ABI1: variants seen among roughly 807,000 people sequenced by gnomAD.
The protein encoded by ABI1 is abl interactor 1.
A neutral mutation model predicts 54.6 loss-of-function variants in ABI1; 14 were observed. The ratio of observed to expected loss-of-function variants is 0.26; its 90% CI spans 0.17 to 0.40. The LOEUF is 0.40. Ranked by LOEUF, ABI1 falls within the 10% of genes least tolerant of loss-of-function variation. The probability of loss-of-function intolerance (pLI) is 1.00; values close to 1 mark genes in which losing one functional copy is unlikely to be tolerated. For missense variants in ABI1, 443 were observed against 598.3 expected (o/e 0.74, Z 2.71); for synonymous variants, 194 against 209.3 (o/e 0.93, Z 0.63).
intron 1 of ABI1, among the ~76,000 whole-genome samples, chr10:26,857,094 C>T (rs1448604317): frequency 6.6e-6 from 1 of 151,948 alleles, no homozygotes; most frequent in Admixed American, 6.6e-5. Flanking sequence ...CCGAGGAGGG[C>T]AGATCACCTA....
chr10:26,785,237 C>A (rs1475422143), intron 2 of ABI1, among the ~76,000 whole-genome samples: 1 of 152,182 alleles, frequency 6.6e-6, no homozygotes. Context: ...AGGGTGAATA[C>A]TGTTGGAAGG....
intron 1 of ABI1, among the ~76,000 whole-genome samples, chr10:26,839,108 T>C (rs2049302572): frequency 6.6e-6 from 1 of 152,152 alleles, no homozygotes. Context: ...ACACATAGGG[T>C]TCTATAAATG....
At chr10:26,812,829 C>A (rs529681023) in intron 2 of ABI1, among the ~76,000 whole-genome samples, 1 of 152,238 alleles carries the variant, frequency 6.6e-6, no homozygotes, top group African/African-American at 2.4e-5. Context: ...CTTCAAAGAC[C>A]CCATCTCCAA....
chr10:26,765,444 G>T, intron 6 of ABI1, 126 bp from the exon 7 acceptor site: 1 of 730,646 alleles, frequency 1.4e-6, no homozygotes. Flanking sequence ...ATCCTTGGAG[G>T]ACTGGTTTCA....
chr10:26,796,597 T>C (rs1030206729), intron 2 of ABI1, among the ~76,000 whole-genome samples: 1 of 152,200 alleles, frequency 6.6e-6, no homozygotes, highest in Non-Finnish European at 1.5e-5. Context: ...TCAGAACATT[T>C]CCTTGTCATT....
At chr10:26,750,815 C>T (rs1265828146) in intron 10 of ABI1, among the ~76,000 whole-genome samples, 1 of 152,152 alleles carries the variant, frequency 6.6e-6, no homozygotes, top group African/African-American at 2.4e-5. Flanking sequence ...TCTTCCCCAC[C>T]TATATTTCTT....
chr10:26,756,160 T>A (rs3802614), intron 8 of ABI1, among the ~76,000 whole-genome samples: 27,006 of 152,074 alleles, frequency 0.18, 2,534 homozygotes, highest in Admixed American at 0.22. Context: ...TATAACAGGT[T>A]TGTCTAGCTT....
chr10:26,847,723 CA>C (rs1322060306), intron 1 of ABI1, among the ~76,000 whole-genome samples: 6 of 151,834 alleles, frequency 4.0e-5, no homozygotes, highest in Non-Finnish European at 8.8e-5. Flanking sequence ...TATTATTTAA[CA>C]GAGGAAAAGA....
intron 2 of ABI1, among the ~76,000 whole-genome samples, chr10:26,804,024 A>AAT: frequency 6.6e-6 from 1 of 152,296 alleles, no homozygotes; most frequent in Admixed American, 6.5e-5. Context: ...CTATTATATT[A>AAT]AGAACAAATA....
At chr10:26,809,162 C>A (rs367878604) in intron 2 of ABI1, among the ~76,000 whole-genome samples, 1 of 151,506 alleles carries the variant, frequency 6.6e-6, no homozygotes, top group African/African-American at 2.4e-5. Flanking sequence ...CCTAGCTACT[C>A]GGGAGGCTGA....
intron 1 of ABI1, among the ~76,000 whole-genome samples, chr10:26,835,694 T>G (rs12356134): frequency 0.062 from 9,378 of 152,030 alleles, 435 homozygotes; most frequent in East Asian, 0.19. Flanking sequence ...TTGTGAGATA[T>G]GGGTAATTTT....
intron 1 of ABI1, chr10:26,839,744 AGTTTGAG>A (rs1373424988): frequency 2.6e-5 from 18 of 701,802 alleles, no homozygotes; most frequent in Non-Finnish European, 3.9e-5. Context: ...TGAGGCCAGG[AGTTTGAG>A]AGCAGACACA....
intron 1 of ABI1, among the ~76,000 whole-genome samples, chr10:26,849,828 T>C (rs1312066300): frequency 1.3e-5 from 2 of 152,236 alleles, no homozygotes; most frequent in Non-Finnish European, 2.9e-5. Flanking sequence ...TTTTTCACAT[T>C]GTATAATGAA....
At chr10:26,762,413 T>G (rs919741669) in intron 7 of ABI1, among the ~76,000 whole-genome samples, 3 of 152,156 alleles carry the variant, frequency 2.0e-5, no homozygotes, top group Admixed American at 2.0e-4. Context: ...GAATCTGTAT[T>G]TCTAACTAAT....
intron 1 of ABI1, among the ~76,000 whole-genome samples, chr10:26,855,092 TA>T (rs1181470379): frequency 6.6e-6 from 1 of 152,194 alleles, no homozygotes; most frequent in Non-Finnish European, 1.5e-5. Flanking sequence ...AGTAAGTATA[TA>T]ATGCAAACAT....
At chr10:26,797,651 T>G (rs1844363446) in intron 2 of ABI1, among the ~76,000 whole-genome samples, 1 of 152,092 alleles carries the variant, frequency 6.6e-6, no homozygotes, top group East Asian at 1.9e-4. Flanking sequence ...CAAGGCATGG[T>G]AGGAAAAACC....
chr10:26,779,405 C>A (rs1841833651), intron 2 of ABI1, among the ~76,000 whole-genome samples: 1 of 152,136 alleles, frequency 6.6e-6, no homozygotes, highest in Non-Finnish European at 1.5e-5. Flanking sequence ...GATAGGAGGA[C>A]TTCCTTATCA....
chr10:26,839,388 G>A (rs1311043511), intron 1 of ABI1, among the ~76,000 whole-genome samples: 1 of 151,958 alleles, frequency 6.6e-6, no homozygotes, highest in Non-Finnish European at 1.5e-5. Context: ...CCTAGCTACT[G>A]GGGAGGCTGA....
intron 2 of ABI1, among the ~76,000 whole-genome samples, chr10:26,781,675 GGTAT>G (rs1842128237): frequency 6.6e-6 from 1 of 152,156 alleles, no homozygotes; most frequent in African/African-American, 2.4e-5. Flanking sequence ...CAACTGCCTA[GGTAT>G]TTAGTCAGCC....
Sources: gnomAD v4.1 joint callset for allele counts (sites outside exome capture counted in the v4.1 genomes callset) on GRCh38, gnomAD v4.1.1 for gene constraint, MANE v1.5 for transcripts, NCBI Gene and HGNC (gene_info 2026-07-23, HGNC 2026-07-21) for gene names.